Variants in PRRC2C observed in about 807,000 individuals in gnomAD.
The protein encoded by PRRC2C is protein PRRC2C.
A neutral mutation model predicts 317.2 loss-of-function variants in PRRC2C; 72 were observed. The observed-to-expected ratio is 0.23, with a 90% confidence interval of 0.19 to 0.28. The LOEUF is 0.28. Ranked by LOEUF, PRRC2C falls within the 10% of genes least tolerant of loss-of-function variation. The probability of loss-of-function intolerance (pLI) is 1.00; values close to 1 mark genes in which losing one functional copy is unlikely to be tolerated. For synonymous variants in PRRC2C, 1,296 were observed against 1,205.9 expected, an observed-to-expected ratio of 1.07 and a Z score of -1.55; for missense variants, 3,074 against 3,459.7, an observed-to-expected ratio of 0.89 and a Z score of 2.80.
chr1:171,516,957 T>G (rs1260607972), intron 5 of PRRC2C, among the ~76,000 whole-genome samples: 2 of 152,194 alleles, frequency 1.3e-5, no homozygotes, highest in African/African-American at 2.4e-5. Context: ...TCTGCCATAT[T>G]CTACAGGTTA....
chr1:171,551,113 G>A (rs235471), intron 18 of PRRC2C, among the ~76,000 whole-genome samples: 24,004 of 152,046 alleles, frequency 0.16, 1,961 homozygotes, highest in Middle Eastern at 0.29. Context: ...ATTTCTCCAC[G>A]TCCTCTCCAG....
chr1:171,536,609 A>T (rs1290419040), intron 14 of PRRC2C, among the ~76,000 whole-genome samples: 1 of 152,142 alleles, frequency 6.6e-6, no homozygotes, highest in Non-Finnish European at 1.5e-5. Flanking sequence ...CATATGTTAT[A>T]TATATTCCTT....
intron 11 of PRRC2C, among the ~76,000 whole-genome samples, chr1:171,529,357 C>T (rs1335275444): frequency 1.3e-5 from 2 of 152,182 alleles, no homozygotes; most frequent in Non-Finnish European, 2.9e-5. Context: ...CCACTTGGAT[C>T]TCTAGTAAAC....
At chr1:171,577,291 C>T (rs1572104395) in intron 25 of PRRC2C, 143 bp from the exon 26 acceptor site, 13 of 582,878 alleles carry the variant, frequency 2.2e-5, no homozygotes, top group East Asian at 1.1e-4. Flanking sequence ...TATAAGCTAC[C>T]TCATCTACTT....
chr1:171,494,821 T>G (rs1667829540), intron 1 of PRRC2C, among the ~76,000 whole-genome samples: 1 of 152,046 alleles, frequency 6.6e-6, no homozygotes. Context: ...TTGTAAGAGT[T>G]ATTGTATCCC....
chr1:171,564,138 G>A (rs537156259), intron 20 of PRRC2C, among the ~76,000 whole-genome samples: 1 of 152,218 alleles, frequency 6.6e-6, no homozygotes, highest in Non-Finnish European at 1.5e-5. Flanking sequence ...ACATTTCATA[G>A]GATGGAAAGA....
intron 1 of PRRC2C, among the ~76,000 whole-genome samples, chr1:171,495,918 T>C (rs1668000501): frequency 6.6e-6 from 1 of 152,184 alleles, no homozygotes; most frequent in African/African-American, 2.4e-5. Context: ...GGTGCCAGCA[T>C]AGTAGTTCTG....
intron 24 of PRRC2C, among the ~76,000 whole-genome samples, chr1:171,574,043 G>T (rs1685275569): frequency 6.6e-6 from 1 of 151,856 alleles, no homozygotes; most frequent in East Asian, 1.9e-4. Context: ...GACTCACAAA[G>T]TTCCTAACAG....
intron 16 of PRRC2C, among the ~76,000 whole-genome samples, chr1:171,542,851 C>T (rs1265733252): frequency 1.3e-5 from 2 of 151,928 alleles, no homozygotes; most frequent in African/African-American, 4.8e-5. Context: ...AGCTCCACCT[C>T]CAGGGTTCAT....
intron 1 of PRRC2C, among the ~76,000 whole-genome samples, chr1:171,493,133 A>C (rs1160560596): frequency 6.6e-6 from 1 of 151,924 alleles, no homozygotes; most frequent in Non-Finnish European, 1.5e-5. Flanking sequence ...TGGATATTTC[A>C]GTGGTAGAAG....
intron 28 of PRRC2C, 111 bp downstream of exon 28, chr1:171,580,075 C>T: frequency 1.0e-6 from 1 of 958,534 alleles, no homozygotes. Flanking sequence ...GATGACTCTG[C>T]TATAAACTAC....
chr1:171,553,408 A>C (rs1680703331), intron 18 of PRRC2C, among the ~76,000 whole-genome samples: 2 of 150,196 alleles, frequency 1.3e-5, no homozygotes, highest in Non-Finnish European at 3.0e-5. Context: ...TTTTCAAAAA[A>C]CCAGCTCCTA....
At chr1:171,529,170 G>T (rs1196845579) in intron 11 of PRRC2C, among the ~76,000 whole-genome samples, 1 of 151,872 alleles carries the variant, frequency 6.6e-6, no homozygotes, top group East Asian at 1.9e-4. Context: ...TTCCTTCTGG[G>T]CCTCCTACAC....
At position 171,536,034 on chromosome 1, in the gene PRRC2C, G is replaced by T; in HGVS notation, c.2049G>T (p.Gln683His). ...LPPRFQRQQE[Q>H]MKQQQWQQQQ... is the part of the protein sequence containing the mutation. ...ATGGGATCTTACTTTTTCAGGAACA[G>T]ATGAAACAGCAGCAGTGGCAGCAGC... The change falls in exon 14 of 35, where the codon CAG becomes CAT. Residue 683 changes from glutamine to histidine, a missense_variant. Transcript: ENST00000647382. 5 of 1,552,190 alleles carry T rather than the reference G, an allele frequency of 3.2e-6. No individual in the cohort carries two copies. Among genetic ancestry groups the T allele is most frequent in the Non-Finnish European group, 4.4e-6 (5 of 1,147,132 alleles).
rs760628219 is a variant in PRRC2C, at chr1:171,591,618, C to T, written c.8468C>T (p.Thr2823Met). 6.8e-6 allele frequency: 11 copies of T among 1,613,726 alleles called. No homozygotes were observed. Among genetic ancestry groups the T allele is most frequent in the African/African-American group, 1.3e-5 (1 of 74,878 alleles). ...AKQRAEVLQS[T>M]QRFFSEQQQS... is the part of the protein sequence containing the mutation. ...CAGAGAGCAGAGGTTCTTCAGTCCACGCAACGGTTCTTCTCTGAACAGCAA... is the reference window on the plus strand; with the variant it reads ...CAGAGAGCAGAGGTTCTTCAGTCCATGCAACGGTTCTTCTCTGAACAGCAA... Residue 2823 changes from threonine to methionine, a missense_variant, in exon 35 of 35, where the codon ACG (threonine) becomes ATG (methionine). Thr to Met is a moderately conservative substitution (Grantham distance 81, BLOSUM62 -1). This residue lies in a region of PRRC2C where 78 missense variants were observed against 97.7 expected (regional missense o/e 0.80). Transcript: ENST00000647382.
chr1:171,560,304 G>A (rs960789887), intron 19 of PRRC2C, among the ~76,000 whole-genome samples: 4 of 152,204 alleles, frequency 2.6e-5, no homozygotes, highest in Admixed American at 6.5e-5. Context: ...GTTGTTTTTT[G>A]TGATGGAATC....
intron 14 of PRRC2C, among the ~76,000 whole-genome samples, chr1:171,536,725 AT>A (rs1418688488): frequency 6.6e-6 from 1 of 152,232 alleles, no homozygotes; most frequent in Non-Finnish European, 1.5e-5. Context: ...ATCAGAATAA[AT>A]CAAGATAATC....
chr1:171,531,846 A>G (rs1377819788), intron 11 of PRRC2C, among the ~76,000 whole-genome samples: 1 of 152,224 alleles, frequency 6.6e-6, no homozygotes, highest in Non-Finnish European at 1.5e-5. Flanking sequence ...GTATCATTAC[A>G]GCACTGACTC....
intron 28 of PRRC2C, among the ~76,000 whole-genome samples, chr1:171,581,244 A>G (rs1338915571): frequency 6.6e-6 from 1 of 152,212 alleles, no homozygotes; most frequent in African/African-American, 2.4e-5. Flanking sequence ...TGGAATTTAT[A>G]TTAAAAATAA....
Sources: allele counts gnomAD v4.1 joint callset (sites outside exome capture counted in the v4.1 genomes callset), GRCh38; gene constraint gnomAD v4.1.1; regional missense constraint gnomAD v4.1.1; transcripts MANE v1.5; gene names NCBI Gene and HGNC (gene_info 2026-07-23, HGNC 2026-07-21).